Variants in MAPRE2 observed in about 807,000 individuals in gnomAD.
MAPRE2 encodes the protein microtubule associated protein RP/EB family member 2, also known as microtubule-associated protein RP/EB family member 2.
In MAPRE2, 13 loss-of-function variants were observed where a neutral mutation model predicts 43.2. The ratio of observed to expected loss-of-function variants is 0.30; its 90% CI spans 0.20 to 0.48. MAPRE2 has a LOEUF of 0.48. Among genes scored for constraint, MAPRE2 ranks in the 20% least tolerant of loss-of-function variants. MAPRE2 has a pLI of 0.99. For synonymous variants in MAPRE2, 135 were observed against 148.8 expected (o/e 0.91, Z 0.68); for missense variants, 161 against 400.2 (o/e 0.40, Z 5.10).
At chr18:35,010,457 T>C (rs1481050715) in intron 2 of MAPRE2, among the ~76,000 whole-genome samples, 2 of 152,194 alleles carry the variant, frequency 1.3e-5, no homozygotes, top group East Asian at 3.8e-4. Context: ...ATCTTGTTTG[T>C]TGTGAGAATA....
intron 6 of MAPRE2, 99 bp downstream of exon 6, chr18:35,132,289 A>T (rs942321303): frequency 9.0e-7 from 1 of 1,115,998 alleles, no homozygotes; most frequent in East Asian, 2.5e-5. Flanking sequence ...CAGGACCTCA[A>T]TGAGAATTAC....
intron 1 of MAPRE2, among the ~76,000 whole-genome samples, chr18:35,062,737 G>A (rs921112467): frequency 3.3e-5 from 5 of 152,158 alleles, no homozygotes; most frequent in Admixed American, 1.3e-4. Context: ...AGGAAGCATC[G>A]ATATTTCTAA....
At chr18:35,106,396 G>A (rs1162390374) in intron 4 of MAPRE2, among the ~76,000 whole-genome samples, 1 of 151,988 alleles carries the variant, frequency 6.6e-6, no homozygotes, top group Admixed American at 6.6e-5. Context: ...GTAAGTGGCA[G>A]CTCCCAAACA....
At chr18:34,994,783 G>C (rs1357988804) in intron 1 of MAPRE2, among the ~76,000 whole-genome samples, 1 of 152,130 alleles carries the variant, frequency 6.6e-6, no homozygotes, top group African/African-American at 2.4e-5. Context: ...AGCTCTTTAA[G>C]GAGCTGTACT....
intron 4 of MAPRE2, among the ~76,000 whole-genome samples, chr18:35,109,440 G>A (rs1461804587): frequency 6.6e-6 from 1 of 151,976 alleles, no homozygotes. Flanking sequence ...GGCTATACAG[G>A]GTCTTCTTTG....
chr18:35,112,696 T>A (rs1267362493), intron 4 of MAPRE2, among the ~76,000 whole-genome samples: 1 of 152,180 alleles, frequency 6.6e-6, no homozygotes, highest in Admixed American at 6.5e-5. Flanking sequence ...TAGCAGTGGT[T>A]TTTTTCTTCT....
intron 4 of MAPRE2, among the ~76,000 whole-genome samples, chr18:35,112,826 AG>A (rs1185123759): frequency 1.3e-5 from 2 of 152,230 alleles, no homozygotes; most frequent in Non-Finnish European, 2.9e-5. Context: ...GCCATAAACT[AG>A]GTAGCTTTGT....
chr18:35,093,001 C>T (rs934995404), intron 2 of MAPRE2, among the ~76,000 whole-genome samples: 2 of 151,956 alleles, frequency 1.3e-5, no homozygotes, highest in South Asian at 2.1e-4. Flanking sequence ...CACTTGAGGT[C>T]GGTAGTTCAA....
intron 4 of MAPRE2, among the ~76,000 whole-genome samples, chr18:35,109,815 A>G (rs554543835): frequency 2.0e-5 from 3 of 152,238 alleles, no homozygotes; most frequent in African/African-American, 4.8e-5. Context: ...TACATTTCAT[A>G]TAATTATGTA....
chr18:35,123,078 C>CG (rs372884975), intron 4 of MAPRE2, among the ~76,000 whole-genome samples: 7 of 152,354 alleles, frequency 4.6e-5, no homozygotes, highest in African/African-American at 1.7e-4. Context: ...ATTCTCCCTG[C>CG]GTGTCTCACT....
At chr18:35,048,166 T>C (rs1905733057) in intron 1 of MAPRE2, among the ~76,000 whole-genome samples, 1 of 152,100 alleles carries the variant, frequency 6.6e-6, no homozygotes, top group South Asian at 2.1e-4. Flanking sequence ...GCATGTCTCA[T>C]GGCCAGAGCA....
At position 34,982,639 on chromosome 18, in the gene MAPRE2, A is replaced by G. The variant is rs757878229; in HGVS notation, c.-70+5560A>G. On this transcript the variant is annotated intron_variant, in intron 1 of 7. Coordinates refer to the MAPRE2 transcript ENST00000413393. ...AGATTTGAGAAGTATCCAAAATTAT[A>G]TTTCTTAAACCAGAGCTTTATAGAA... is the stretch of plus-strand genomic sequence containing the variant. Among the ~76,000 whole-genome samples, 5 of 152,220 alleles carry G rather than the reference A, an allele frequency of 3.3e-5. No individual in the cohort carries two copies. In the South Asian group the frequency reaches 1.0e-3, roughly 31 times the overall value.
chr18:34,993,255 C>CTTTTTT (rs760356794), intron 1 of MAPRE2, among the ~76,000 whole-genome samples: 10 of 130,068 alleles, frequency 7.7e-5, no homozygotes, highest in South Asian at 2.5e-4. Context: ...CCATTCCCGC[C>CTTTTTT]TTTTTTTTTT....
intron 1 of MAPRE2, among the ~76,000 whole-genome samples, chr18:34,986,669 A>G (rs2097021175): frequency 6.6e-6 from 1 of 152,176 alleles, no homozygotes; most frequent in African/African-American, 2.4e-5. Context: ...TTCCCTCTAC[A>G]GTTGAAATGT....
chr18:35,132,277 C>A, intron 6 of MAPRE2, 87 bp downstream of exon 6: 2 of 1,235,762 alleles, frequency 1.6e-6, no homozygotes, highest in Non-Finnish European at 1.1e-6. Context: ...AGAATACTTC[C>A]CCAGGACCTC....
At chr18:35,057,645 G>T (rs1906308108) in intron 1 of MAPRE2, among the ~76,000 whole-genome samples, 2 of 151,938 alleles carry the variant, frequency 1.3e-5, no homozygotes, top group African/African-American at 4.8e-5. Context: ...TTCTTCTTCT[G>T]TTCCATATAC....
chr18:35,097,691 G>C lies in MAPRE2; in HGVS notation c.396+100G>C, dbSNP rs1172965974. ...GGAGCATACCAATGGGATATATCTT[G>C]ATATCCCAACAGTAGGCTGGGGTCT... On this transcript the variant is annotated intron_variant, in intron 3 of 6. Transcript: ENST00000300249. 12 of 1,020,182 alleles carry C rather than the reference G, an allele frequency of 1.2e-5. No individual in the cohort carries two copies. In the East Asian group the frequency reaches 3.1e-4, roughly 26 times the overall value. The allele number at this position is 1,020,182 out of a possible 1,614,324, so 63.2% of individuals were successfully genotyped here.
chr18:35,024,637 T>G (rs918082887), intron 2 of MAPRE2, among the ~76,000 whole-genome samples: 4 of 152,156 alleles, frequency 2.6e-5, no homozygotes, highest in Non-Finnish European at 4.4e-5. Context: ...TTGGAGAGAA[T>G]TATAATCATG....
In MAPRE2 at chr18:35,016,821, A is replaced by G. The variant is rs546810945; in HGVS notation, c.-8+11268A>G. Among the ~76,000 whole-genome samples, 3 of 151,920 alleles carry G rather than the reference A, an allele frequency of 2.0e-5. No homozygotes were observed. In the South Asian group the frequency reaches 6.2e-4, roughly 32 times the overall value. ...CTCTTTCATTTAATTTGGTCCCATC[A>G]TCAATTTTTGTTTTTGTTGCATTTG... On this transcript the variant is annotated intron_variant, in intron 2 of 7. Coordinates refer to the MAPRE2 transcript ENST00000413393.
Sources: allele counts gnomAD v4.1 joint callset (sites outside exome capture counted in the v4.1 genomes callset), GRCh38; gene constraint gnomAD v4.1.1; transcripts MANE v1.5; gene names NCBI Gene and HGNC (gene_info 2026-07-23, HGNC 2026-07-21).